The following H6PD variants were observed in gnomAD, a reference collection of about 807,000 sequenced individuals.
H6PD encodes the protein GDH/6PGL endoplasmic bifunctional protein.
H6PD carries 48 observed loss-of-function variants against 61.2 expected under a neutral mutation model. The ratio of observed to expected loss-of-function variants is 0.78; its 90% CI spans 0.62 to 1.00. The LOEUF (loss-of-function observed/expected upper bound fraction) is 1.00, where lower values mean the gene tolerates loss of function less well. Ranked by LOEUF, H6PD falls within the 50% of genes least tolerant of loss-of-function variation. The pLI is 0.00. For missense variants in H6PD, 1,093 were observed against 1,065.0 expected (o/e 1.03, Z -0.37); for synonymous variants, 480 against 457.9 (o/e 1.05, Z -0.62).
intron 3 of H6PD, 67 bp from the exon 4 acceptor site, chr1:9,261,992 C>T (rs774310566): frequency 2.6e-6 from 4 of 1,534,720 alleles, no homozygotes; most frequent in Non-Finnish European, 3.6e-6. Context: ...TTTTGGTGCA[C>T]CTCGGGGAGA....
chr1:9,263,581 A>G lies in H6PD; in HGVS notation c.1088A>G (p.Asp363Gly). ...PFILMSGKAL[D>G]ERVGYARILF... Reference sequence around the variant, plus strand: ...ATCCTGATGTCTGGCAAAGCCTTGGACGAGAGAGTGGGCTACGCTCGGATC... The same window carrying G: ...ATCCTGATGTCTGGCAAAGCCTTGGGCGAGAGAGTGGGCTACGCTCGGATC... Residue 363 changes from aspartate to glycine, a missense_variant, in exon 5 of 5, where the codon GAC (aspartate) becomes GGC (glycine). By Grantham distance (94) the Asp-to-Gly change is moderately conservative. Transcript: ENST00000377403. 6.2e-7 allele frequency: 1 copy of G among 1,614,184 alleles called. No homozygotes were observed. The highest frequency in any genetic ancestry group is 8.5e-7 in the Non-Finnish European group (1 of 1,180,002).
chr1:9,248,190 C>T (rs9435152), intron 3 of H6PD, among the ~76,000 whole-genome samples: 27,169 of 152,252 alleles, frequency 0.18, 2,596 homozygotes, highest in Admixed American at 0.24. Context: ...CCCCAGCCCC[C>T]GCAGTGCGTG....
In H6PD at chr1:9,264,625, A is replaced by G. The variant is rs139076420; in HGVS notation, c.2132A>G (p.Asp711Gly). The change falls in exon 5 of 5, where the codon GAT becomes GGT. Residue 711 changes from aspartate to glycine, a missense_variant. Coordinates refer to ENST00000377403, the MANE Select transcript of H6PD (RefSeq NM_004285.4). ...TTCCCACAGTCACCCACTGGCCTGG[A>G]TGGCGAGCAGCTGGTCGTGCTGACC... ...SLFPQSPTGL[D>G]GEQLVVLTTS... 1,030 of 1,612,946 alleles carry G rather than the reference A, an allele frequency of 6.4e-4. 1 individual carries two copies. Among genetic ancestry groups the G allele is most frequent in the Non-Finnish European group, 8.1e-4 (953 of 1,179,940 alleles).
At chr1:9,257,282 C>T (rs1557744970) in intron 3 of H6PD, among the ~76,000 whole-genome samples, 1 of 151,566 alleles carries the variant, frequency 6.6e-6, no homozygotes, top group Non-Finnish European at 1.5e-5. Context: ...TGGGACCACA[C>T]TTGGCTAATT....
At chr1:9,249,399 C>G (rs927621727) in intron 3 of H6PD, among the ~76,000 whole-genome samples, 1 of 152,166 alleles carries the variant, frequency 6.6e-6, no homozygotes, top group Non-Finnish European at 1.5e-5. Flanking sequence ...GGTCTGTTTG[C>G]CGGGACAGTC....
Position 9,270,517 on chromosome 1 carries a change from G to C in H6PD, c.*5648G>C, listed in dbSNP as rs1190887180. On this transcript the variant is annotated 3_prime_UTR_variant, in exon 5 of 5. Transcript: ENST00000377403. ...CTCTGAGATGTGCTGGGTACAGCCT[G>C]CCCCTCCTAGTTCTGTCCACCGGGA... The C allele has an allele frequency of 6.6e-6, 1 of 152,084 alleles. No homozygotes were observed. Among genetic ancestry groups the C allele is most frequent in the East Asian group, 1.9e-4 (1 of 5,196 alleles). The allele number at this position is 152,084 out of a possible 1,614,324, so 9.4% of individuals were successfully genotyped here. A position where few individuals can be genotyped will look rare whatever the true frequency, so the allele number is the denominator to read the frequency against.
rs1045977335 is a variant in H6PD, at chr1:9,254,946, T to C, written c.746-7113T>C. ...GCCTGTTCTGGATATTTTGTACATA[T>C]AGGATCATACGGTGTGTGGTTTCCA... is the stretch of plus-strand genomic sequence containing the variant. On this transcript the variant is annotated intron_variant, in intron 3 of 4. Transcript: ENST00000377403. This position sits in a 1 kb window ranked among gnomAD's most constrained non-coding sequence, Gnocchi z 4.6. Among the ~76,000 whole-genome samples, 1 of 152,248 alleles carries C rather than the reference T, an allele frequency of 6.6e-6. No individual in the cohort carries two copies. Among genetic ancestry groups the C allele is most frequent in the Non-Finnish European group, 1.5e-5 (1 of 68,048 alleles).
chr1:9,240,480 G>C (rs1640965678), intron 1 of H6PD, among the ~76,000 whole-genome samples: 1 of 152,112 alleles, frequency 6.6e-6, no homozygotes, highest in African/African-American at 2.4e-5. Context: ...AGATCACACA[G>C]ATCCTTTATC....
intron 1 of H6PD, among the ~76,000 whole-genome samples, chr1:9,236,865 AC>A (rs2100300580): frequency 6.6e-6 from 1 of 152,150 alleles, no homozygotes; most frequent in East Asian, 1.9e-4. Flanking sequence ...TTCTTATGTA[AC>A]CAGTTCTCCA....
At chr1:9,255,292 T>C (rs1237933595) in intron 3 of H6PD, among the ~76,000 whole-genome samples, 2 of 152,146 alleles carry the variant, frequency 1.3e-5, no homozygotes, top group Admixed American at 1.3e-4. Context: ...TTTTATTTTT[T>C]ATTTTTGGAG....
chr1:9,246,956 C>G lies in H6PD; in HGVS notation c.628-10C>G. On this transcript the variant is annotated splice_polypyrimidine_tract_variant and intron_variant, in intron 2 of 4. Coordinates refer to ENST00000377403, the MANE Select transcript of H6PD (RefSeq NM_004285.4). ...ATCCTGCAGCACGCCCAGTCTTCCC[C>G]CCCCGACAGGCTGTGGCGCAGATCC... The G allele has an allele frequency of 1.9e-6, 3 of 1,592,538 alleles. No individual in the cohort carries two copies. Among genetic ancestry groups the G allele is most frequent in the South Asian group, 1.1e-5 (1 of 90,752 alleles).
intron 4 of H6PD, among the ~76,000 whole-genome samples, chr1:9,262,893 A>G (rs1427384996): frequency 1.3e-5 from 2 of 152,298 alleles, no homozygotes; most frequent in East Asian, 3.9e-4. Context: ...AGGGGCCATT[A>G]GCCCCGTTTT....
chr1:9,267,936 A>T lies in H6PD; in HGVS notation c.*3067A>T, dbSNP rs562701023. ...TCTATGTTTTAGTTTTCATTTTTTT[A>T]AAATGCTTCTTAAAATTCACTAAAT... On this transcript the variant is annotated 3_prime_UTR_variant, in exon 5 of 5. Transcript: ENST00000377403. The T allele has an allele frequency of 7.2e-5, 11 of 152,306 alleles. No homozygotes were observed. The highest frequency in any genetic ancestry group is 2.1e-4 in the South Asian group (1 of 4,824). The allele number at this position is 152,306 out of a possible 1,614,324, so 9.4% of individuals were successfully genotyped here. A position where few individuals can be genotyped will look rare whatever the true frequency, so the allele number is the denominator to read the frequency against.
intron 3 of H6PD, among the ~76,000 whole-genome samples, chr1:9,251,807 C>T (rs140414765): frequency 3.9e-4 from 59 of 152,116 alleles, no homozygotes; most frequent in African/African-American, 1.3e-3. Flanking sequence ...CTCTCCTTGG[C>T]CCTCACCTCT....
In H6PD at chr1:9,244,429, G is replaced by A. The variant is rs182965360; in HGVS notation, c.-10-496G>A. Among the ~76,000 whole-genome samples the A allele has an allele frequency of 3.3e-5, 5 of 152,310 alleles. No individual in the cohort carries two copies. The East Asian group carries it at 7.7e-4, about 23-fold the overall frequency. Reference sequence around the variant, plus strand: ...TGTAGCAGTTATTAGTCATCACTTGGTAGTTGGAGCCCAGTGGACATGGAG... The same window carrying A: ...TGTAGCAGTTATTAGTCATCACTTGATAGTTGGAGCCCAGTGGACATGGAG... On this transcript the variant is annotated intron_variant, in intron 1 of 4. Transcript: ENST00000377403.
chr1:9,255,942 G>A (rs981831176), intron 3 of H6PD, among the ~76,000 whole-genome samples: 1 of 152,244 alleles, frequency 6.6e-6, no homozygotes, highest in African/African-American at 2.4e-5. Flanking sequence ...TAGGGTTGAA[G>A]AGTGGGTAAT....
chr1:9,243,778 G>A (rs1641071410), intron 1 of H6PD, among the ~76,000 whole-genome samples: 1 of 151,534 alleles, frequency 6.6e-6, no homozygotes, highest in South Asian at 2.1e-4. Flanking sequence ...TGTAGCCACT[G>A]GCCCAGACAC....
chr1:9,262,014 G>A (rs1343649774), intron 3 of H6PD, 45 bp from the exon 4 acceptor site: 1 of 1,603,554 alleles, frequency 6.2e-7, no homozygotes, highest in Admixed American at 1.7e-5. Context: ...CTGATGTTCT[G>A]GCCTCTCTTT....
At chr1:9,263,136 AC>A (rs200658068) in intron 4 of H6PD, among the ~76,000 whole-genome samples, 6 of 150,736 alleles carry the variant, frequency 4.0e-5, no homozygotes, top group South Asian at 4.2e-4. Flanking sequence ...TCTCTGTAGG[AC>A]CCCCTGACCC....
Sources: allele counts gnomAD v4.1 joint callset (sites outside exome capture counted in the v4.1 genomes callset), GRCh38; gene constraint gnomAD v4.1.1; non-coding constraint Gnocchi (gnomAD v3.1); transcripts MANE v1.5; gene names NCBI Gene and HGNC (gene_info 2026-07-23, HGNC 2026-07-21).